Variants in CD209 observed in about 807,000 individuals in gnomAD.
CD209 encodes CD209 molecule, also known as CD209 antigen.
Under a neutral mutation model 44.7 loss-of-function variants are expected in CD209, and 31 were observed. That is an observed-to-expected ratio of 0.69 (90% CI 0.52 to 0.94). CD209 has a LOEUF of 0.94. Ranked by LOEUF, CD209 falls within the 40% of genes least tolerant of loss-of-function variation. The pLI is 0.00. For missense variants in CD209, 407 were observed against 452.4 expected (o/e 0.90, Z 0.91); for synonymous variants, 173 against 181.3 (o/e 0.95, Z 0.37).
At position 7,742,794 on chromosome 19, in the gene CD209, A is replaced by C. The variant is rs748688425; in HGVS notation, c.*245T>G. The C allele has an allele frequency of 2.8e-5, 16 of 572,086 alleles. No homozygotes were observed. The highest frequency in any genetic ancestry group is 4.1e-5 in the Non-Finnish European group (13 of 320,182). The allele number at this position is 572,086 out of a possible 1,614,324, so 35.4% of individuals were successfully genotyped here. On this transcript the variant is annotated 3_prime_UTR_variant, in exon 7 of 7. Transcript: ENST00000315599. ...ATATCCTAATCTCCAAAAGGAAGAG[A>C]GAGTGGATTCTTGGAACACAAGTCC...
rs770126743 is a variant in CD209 at position 7,742,994 on chromosome 19, AGGAT to A, written c.*41_*44del. The A allele has an allele frequency of 6.3e-6, 9 of 1,435,654 alleles. No homozygotes were observed. Among genetic ancestry groups the A allele is most frequent in the Non-Finnish European group, 2.9e-6 (3 of 1,019,482 alleles). The allele number at this position is 1,435,654 out of a possible 1,614,324, so 88.9% of individuals were successfully genotyped here. A position where few individuals can be genotyped will look rare whatever the true frequency, so the allele number is the denominator to read the frequency against. ...GTCCCAGAGATTTTGTGAAGGTCGA[AGGAT>A]GGAGAGAAGGAACTGTAGCTTAAAA... On this transcript the variant is annotated 3_prime_UTR_variant, in exon 7 of 7. Transcript: ENST00000315599.
Position 7,743,163 on chromosome 19 carries a change from C to T in CD209, c.1091G>A (p.Trp364Ter). 1 of 1,614,116 alleles carries T rather than the reference C, an allele frequency of 6.2e-7. No homozygotes were observed. Among genetic ancestry groups the T allele is most frequent in the Non-Finnish European group, 8.5e-7 (1 of 1,179,978 alleles). The change falls in exon 7 of 7, where the codon TGG becomes TAG. Residue 364 changes from tryptophan to a stop codon, truncating the protein, a stop_gained. Coordinates refer to ENST00000315599, the MANE Select transcript of CD209 (RefSeq NM_021155.4). LOFTEE classifies it low-confidence loss of function (END_TRUNC). ...GGCAAGATTACATTTGTCGTCGTTC[C>T]AGCCATTGCCACTAAATTCCGCGCA... ...EDCAEFSGNGWNDDKCNLAKF... is the reference protein window; with the variant it reads ...EDCAEFSGNG
Position 7,743,215 on chromosome 19 carries a change from C to T in CD209, c.1039G>A (p.Glu347Lys), listed in dbSNP as rs775028274. The change falls in exon 7 of 7, where the codon GAG (glutamate) becomes AAG (lysine). Residue 347 changes from glutamate to lysine, a missense_variant. Coordinates refer to ENST00000315599, the MANE Select transcript of CD209 (RefSeq NM_021155.4). ...TCTTCCTCCCCAACGTTGTTGGGCT[C>T]TCCTCTGTTCCAATACTGCTTGAAG... ...PSFKQYWNRG[E>K]PNNVGEEDCA... 4.3e-6 allele frequency: 7 copies of T among 1,614,116 alleles called. No individual in the cohort carries two copies. In the Admixed American group the frequency reaches 8.3e-5, roughly 19 times the overall value.
rs763068172 is a variant in CD209 at position 7,747,528 on chromosome 19, C to G, written c.-17G>C. 1 of 1,614,008 alleles carries G rather than the reference C, an allele frequency of 6.2e-7. No homozygotes were observed. The highest frequency in any genetic ancestry group is 8.5e-7 in the Non-Finnish European group (1 of 1,180,046). ...GTCACTCATGTCACCCCACTCTCCC[C>G]CAGTGTCCAGAACTCCTGGGGGCCA... On this transcript the variant is annotated 5_prime_UTR_variant, in exon 1 of 7. Coordinates refer to ENST00000315599, the MANE Select transcript of CD209 (RefSeq NM_021155.4).
At chr19:7,746,133 T>C in intron 3 of CD209, 46 bp from the exon 4 acceptor site, 1 of 1,610,092 alleles carries the variant, frequency 6.2e-7, no homozygotes, top group South Asian at 1.1e-5. Context: ...ACACCTACTG[T>C]GTGCCAAGCC....
Position 7,740,889 on chromosome 19 carries a change from G to A in CD209, c.*2150C>T. 4 of 735,398 alleles carry A rather than the reference G, an allele frequency of 5.4e-6. No individual in the cohort carries two copies. Among genetic ancestry groups the A allele is most frequent in the Middle Eastern group, 2.4e-4 (1 of 4,124 alleles). The allele number at this position is 735,398 out of a possible 1,614,324, so 45.6% of individuals were successfully genotyped here. On this transcript the variant is annotated 3_prime_UTR_variant, in exon 7 of 7. Coordinates refer to ENST00000315599, the MANE Select transcript of CD209 (RefSeq NM_021155.4). ...GGCTGAAAATGAGTTGGAAAATGGC[G>A]CCACATGGCAAAACCCGGAACCCCC... is the stretch of plus-strand genomic sequence containing the variant.
chr19:7,743,069 G>C lies in CD209; in HGVS notation c.1185C>G (p.Ala395=), dbSNP rs11465394. Residue 395 remains alanine, a synonymous_variant, in exon 7 of 7, where the codon GCC becomes GCG. Transcript: ENST00000315599. ...SRDEEQFLSP[A]PATPNPPPA is the part of the protein sequence containing the mutation. Reference sequence around the variant, plus strand: ...CAGGAGGGGGGTTTGGGGTGGCAGGGGCTGGAGAAAGAAACTGTTCTTCAT... The same window carrying C: ...CAGGAGGGGGGTTTGGGGTGGCAGGCGCTGGAGAAAGAAACTGTTCTTCAT... 1 of 1,613,854 alleles carries C rather than the reference G, an allele frequency of 6.2e-7. No homozygotes were observed. Among genetic ancestry groups the C allele is most frequent in the Admixed American group, 1.7e-5 (1 of 60,014 alleles).
Position 7,740,168 on chromosome 19 carries a change from C to T in CD209, c.*2871G>A, listed in dbSNP as rs374414781. 4.3e-5 allele frequency: 11 copies of T among 253,150 alleles called. No individual in the cohort carries two copies. The highest frequency in any genetic ancestry group is 1.5e-4 in the Admixed American group (3 of 19,570). 15.7% of individuals were successfully genotyped at this position (253,150 alleles called of 1,614,324 possible). On this transcript the variant is annotated 3_prime_UTR_variant, in exon 7 of 7. Coordinates refer to ENST00000315599, the MANE Select transcript of CD209 (RefSeq NM_021155.4). ...CAGGAGGCTTGATCTGACTGGATCA[C>T]GCCAGGGCTCAATCTGATTGGATCA...
Position 7,745,569 on chromosome 19 carries a change from A to G in CD209, c.697T>C (p.Ser233Pro), listed in dbSNP as rs758387033. The G allele has an allele frequency of 1.9e-6, 3 of 1,606,684 alleles. No homozygotes were observed. The highest frequency in any genetic ancestry group is 2.2e-5 in the East Asian group (1 of 44,794). Residue 233 changes from serine to proline, a missense_variant, in exon 4 of 7, where the codon TCT becomes CCT. Around this residue, in one of 3 missense-constraint regions of CD209, gnomAD observed 85 missense variants for 139.9 expected, o/e 0.61. Transcript: ENST00000315599. ...KAAVGELPEK[S>P]KQQEIYQELT... Reference sequence around the variant, plus strand: ...TCCTGGTAGATCTCCTGCTGCTTAGATTTCTCTGGAAGCTCACCCACTGCA... The same window carrying G: ...TCCTGGTAGATCTCCTGCTGCTTAGGTTTCTCTGGAAGCTCACCCACTGCA...
Position 7,743,084 on chromosome 19 carries a change from C to T in CD209, c.1170G>A (p.Gln390=), listed in dbSNP as rs1475404661. ...SAASCSRDEE[Q]FLSPAPATPN... ...GGGTGGCAGGGGCTGGAGAAAGAAA[C>T]TGTTCTTCATCCCTGGAGCAGGAGG... Residue 390 remains glutamine (Q), a synonymous_variant, in exon 7 of 7, where the codon CAG becomes CAA. Transcript: ENST00000315599. 6.2e-7 allele frequency: 1 copy of T among 1,614,034 alleles called. No individual in the cohort carries two copies. The highest frequency in any genetic ancestry group is 1.3e-5 in the African/African-American group (1 of 74,926).
Position 7,745,006 on chromosome 19 carries a change from C to T in CD209, c.835G>A (p.Asp279Asn), listed in dbSNP as rs774533179. 1.4e-5 allele frequency: 23 copies of T among 1,614,080 alleles called. No homozygotes were observed. The highest frequency in any genetic ancestry group is 4.5e-5 in the East Asian group (2 of 44,904). Reference sequence around the variant, plus strand: ...ACTTCTTTGCAGGCGGTGATGGAGTCGTGCCAGTTCCGCTGGGAGTTAGAC... The same window carrying T: ...ACTTCTTTGCAGGCGGTGATGGAGTTGTGCCAGTTCCGCTGGGAGTTAGAC... The part of the protein sequence containing the change: ...FMSNSQRNWH[D>N]SITACKEVGA... Residue 279 changes from aspartate (D) to asparagine (N), a missense_variant, in exon 5 of 7, where the codon GAC becomes AAC. Asp to Asn is a conservative substitution (Grantham distance 23). Transcript: ENST00000315599.
At chr19:7,744,794 C>G (rs2033743824) in intron 5 of CD209, 147 bp downstream of exon 5, 1 of 1,155,672 alleles carries the variant, frequency 8.7e-7, no homozygotes, top group African/African-American at 1.6e-5. Flanking sequence ...TCTAAGGGTA[C>G]TTGAGACTCC....
chr19:7,746,101 A>G lies in CD209; in HGVS notation c.179-14T>C, dbSNP rs766891081. On this transcript the variant is annotated splice_polypyrimidine_tract_variant and intron_variant, in intron 3 of 6. Transcript: ENST00000315599. ...GGACCTTGGACACTGGGCCAAGAAA[A>G]AAAAGGAACTGCAATTATTAAACAC... 5 of 1,613,136 alleles carry G rather than the reference A, an allele frequency of 3.1e-6. No individual in the cohort carries two copies. The highest frequency in any genetic ancestry group is 2.2e-5 in the South Asian group (2 of 91,044).
Position 7,742,765 on chromosome 19 carries a change from C to A in CD209, c.*274G>T. ...GGACATAGCAGCTACACATGGCAAC[C>A]CAAATATCCTAATCTCCAAAAGGAA... is the stretch of plus-strand genomic sequence containing the variant. On this transcript the variant is annotated 3_prime_UTR_variant, in exon 7 of 7. Transcript: ENST00000315599. 1.9e-6 allele frequency: 1 copy of A among 517,042 alleles called. No homozygotes were observed. Among genetic ancestry groups the A allele is most frequent in the South Asian group, 2.4e-5 (1 of 41,726 alleles). 32.0% of individuals were successfully genotyped at this position (517,042 alleles called of 1,614,324 possible).
At chr19:7,747,010 G>A (rs1407847656) in intron 2 of CD209, among the ~76,000 whole-genome samples, 7 of 130,288 alleles carry the variant, frequency 5.4e-5, no homozygotes, top group East Asian at 2.3e-4. Context: ...TCCAGGCCCA[G>A]GCCCCCACCT....
At chr19:7,743,401 A>C (rs1429505625) in intron 6 of CD209, among the ~76,000 whole-genome samples, 161 bp from the exon 7 acceptor site, 1 of 152,046 alleles carries the variant, frequency 6.6e-6, no homozygotes, top group African/African-American at 2.4e-5. Flanking sequence ...CGATGCCTTG[A>C]GTTCCTGCCT....
rs539776558 is a variant in CD209, at chr19:7,740,453, C to T, written c.*2586G>A. On this transcript the variant is annotated 3_prime_UTR_variant, in exon 7 of 7. Transcript: ENST00000315599. ...AACTAGAGGGGCGGGGCGGTGCCGG[C>T]AAGATGGCTGCGCCCGAAAAGGTGA... 3.7e-5 allele frequency: 28 copies of T among 759,526 alleles called. 1 individual carries two copies. In the South Asian group the frequency reaches 4.0e-4, roughly 11 times the overall value. The allele number at this position is 759,526 out of a possible 1,614,324, so 47.0% of individuals were successfully genotyped here.
chr19:7,744,560 T>C (rs1843639917), intron 5 of CD209, among the ~76,000 whole-genome samples: 1 of 152,228 alleles, frequency 6.6e-6, no homozygotes, highest in African/African-American at 2.4e-5. Flanking sequence ...CTGCTGGTCA[T>C]GCACATCTCC....
rs936243568 is a variant in CD209 at position 7,740,123 on chromosome 19, G to C, written c.*2916C>G. On this transcript the variant is annotated 3_prime_UTR_variant, in exon 7 of 7. Transcript: ENST00000315599. ...AGGGTAGTGAGGCATGATATGATTGGATCTTGTAATGAGGGGATTCAGGAG... is the reference window on the plus strand; with the variant it reads ...AGGGTAGTGAGGCATGATATGATTGCATCTTGTAATGAGGGGATTCAGGAG... The C allele has an allele frequency of 5.5e-6, 1 of 183,094 alleles. No individual in the cohort carries two copies. Among genetic ancestry groups the C allele is most frequent in the Admixed American group, 5.5e-5 (1 of 18,232 alleles). 11.3% of individuals were successfully genotyped at this position (183,094 alleles called of 1,614,324 possible).
Sources: allele counts gnomAD v4.1 joint callset (sites outside exome capture counted in the v4.1 genomes callset), GRCh38; gene constraint gnomAD v4.1.1; regional missense constraint gnomAD v4.1.1; transcripts MANE v1.5; gene names NCBI Gene and HGNC (gene_info 2026-07-23, HGNC 2026-07-21).